Variants in ZW10 observed in about 807,000 individuals in gnomAD.
The protein encoded by ZW10 is zw10 kinetochore protein, also known as centromere/kinetochore protein zw10 homolog.
ZW10 carries 53 observed loss-of-function variants against 87.8 expected under a neutral mutation model. The ratio of observed to expected loss-of-function variants is 0.60; its 90% CI spans 0.48 to 0.76. The LOEUF (loss-of-function observed/expected upper bound fraction) is 0.76, where lower values mean the gene tolerates loss of function less well. Among genes scored for constraint, ZW10 ranks in the 30% least tolerant of loss-of-function variants. ZW10 has a pLI of 0.00. For missense variants in ZW10, 837 were observed against 923.0 expected (o/e 0.91, Z 1.21); for synonymous variants, 312 against 329.2 (o/e 0.95, Z 0.57).
At chr11:113,760,687 C>G in intron 3 of ZW10, 97 bp from the exon 4 acceptor site, 3 of 1,146,378 alleles carry the variant, frequency 2.6e-6, no homozygotes, top group Admixed American at 2.7e-5. Flanking sequence ...CCCCCTCCCC[C>G]CTCTAAAAAA....
chr11:113,757,878 C>CA, intron 6 of ZW10, 25 bp from the exon 7 acceptor site: 1 of 1,558,074 alleles, frequency 6.4e-7, no homozygotes, highest in Non-Finnish European at 8.7e-7. Context: ...GAACATTCAT[C>CA]AAAAAATCAC....
At chr11:113,770,921 C>T (rs1953958793) in intron 1 of ZW10, among the ~76,000 whole-genome samples, 2 of 149,766 alleles carry the variant, frequency 1.3e-5, no homozygotes, top group Middle Eastern at 3.5e-3. Flanking sequence ...TGCACACAGG[C>T]TCATTAACGT....
chr11:113,751,940 C>G (rs1438674945), intron 7 of ZW10, among the ~76,000 whole-genome samples: 1 of 151,888 alleles, frequency 6.6e-6, no homozygotes, highest in Non-Finnish European at 1.5e-5. Flanking sequence ...TACCTGCATT[C>G]AGTTTTTTAT....
rs191592708 is a variant in ZW10, at chr11:113,738,258, T to G, written c.1884+6A>C. 919 of 1,598,180 alleles carry G rather than the reference T, an allele frequency of 5.8e-4. 2 individuals carry two copies. The Middle Eastern group carries it at 7.0e-3, about 12-fold the overall frequency. On this transcript the variant is annotated splice_donor_region_variant and intron_variant, in intron 13 of 15. Transcript: ENST00000200135. ...ACAAATTTCAGTGCTAGCAAGAGCC[T>G]CCTACCTGCCGGACTGCTTTACTTG...
intron 1 of ZW10, among the ~76,000 whole-genome samples, chr11:113,770,835 A>AG (rs1953957113): frequency 1.3e-5 from 2 of 151,616 alleles, no homozygotes; most frequent in African/African-American, 4.9e-5. Flanking sequence ...AAAGAAAAAA[A>AG]AAAAAAAAGA....
At chr11:113,738,069 G>A (rs1232591720) in intron 13 of ZW10, among the ~76,000 whole-genome samples, 195 bp downstream of exon 13, 1 of 152,050 alleles carries the variant, frequency 6.6e-6, no homozygotes, top group Non-Finnish European at 1.5e-5. Context: ...AGATAGTTTC[G>A]TGTTGTCTTG....
At chr11:113,742,641 T>C (rs903132748) in intron 10 of ZW10, among the ~76,000 whole-genome samples, 4 of 152,200 alleles carry the variant, frequency 2.6e-5, no homozygotes, top group Non-Finnish European at 2.9e-5. Flanking sequence ...GTGTTTTGTG[T>C]TCCCAAAAAA....
At chr11:113,763,600 C>T (rs1161051159) in intron 2 of ZW10, among the ~76,000 whole-genome samples, 1 of 152,236 alleles carries the variant, frequency 6.6e-6, no homozygotes, top group Non-Finnish European at 1.5e-5. Flanking sequence ...TTTTGATTTG[C>T]ATTTCTCTGA....
intron 12 of ZW10, 118 bp downstream of exon 12, chr11:113,739,095 T>A (rs1256344647): frequency 8.8e-7 from 1 of 1,141,862 alleles, no homozygotes; most frequent in African/African-American, 1.6e-5. Context: ...CCTCCCACTT[T>A]CTGATACAGC....
intron 3 of ZW10, 47 bp downstream of exon 3, chr11:113,760,770 G>T: frequency 6.6e-7 from 1 of 1,508,486 alleles, no homozygotes; most frequent in South Asian, 1.1e-5. Context: ...TGACTAATGA[G>T]ACCTTCCCAC....
At chr11:113,771,771 G>T (rs1250721725) in intron 1 of ZW10, 2 of 152,008 alleles carry the variant, frequency 1.3e-5, no homozygotes, top group East Asian at 3.9e-4. Context: ...AGGTTCAAAC[G>T]ATCCTCCTGC....
intron 7 of ZW10, among the ~76,000 whole-genome samples, chr11:113,750,834 G>T (rs944920928): frequency 3.9e-4 from 59 of 150,958 alleles, no homozygotes; most frequent in African/African-American, 1.4e-3. Context: ...TTTTAAATGG[G>T]GAGATGGCAA....
intron 2 of ZW10, among the ~76,000 whole-genome samples, chr11:113,767,636 A>G (rs1458048589): frequency 6.6e-6 from 1 of 152,084 alleles, no homozygotes; most frequent in African/African-American, 2.4e-5. Context: ...TCAAACTGCA[A>G]GCAGAATAGG....
At chr11:113,736,109 T>A (rs1215814570) in intron 15 of ZW10, among the ~76,000 whole-genome samples, 1 of 151,562 alleles carries the variant, frequency 6.6e-6, no homozygotes, top group Non-Finnish European at 1.5e-5. Flanking sequence ...ATAAATAAAA[T>A]AATAAAATAA....
intron 9 of ZW10, among the ~76,000 whole-genome samples, chr11:113,745,380 C>T (rs1204257808): frequency 6.6e-6 from 1 of 151,364 alleles, no homozygotes; most frequent in Non-Finnish European, 1.5e-5. Context: ...TTTGCACATA[C>T]TGGACTTCGA....
chr11:113,745,772 T>G (rs1015213904), intron 9 of ZW10, among the ~76,000 whole-genome samples: 2 of 152,108 alleles, frequency 1.3e-5, no homozygotes, highest in African/African-American at 4.8e-5. Context: ...CAACTATAGA[T>G]CTTTTGGGAA....
chr11:113,743,844 G>A lies in ZW10; in HGVS notation c.1469C>T (p.Ala490Val). ...SESVKKLMEL[A>V]YQTLLEATTS... is the part of the protein sequence containing the mutation. ...TGTTGCCTCTAGTAAAGTCTGATAGGCGAGTTCCATTAATTTCTTCACAGA... is the reference window on the plus strand; with the variant it reads ...TGTTGCCTCTAGTAAAGTCTGATAGACGAGTTCCATTAATTTCTTCACAGA... Residue 490 changes from alanine (A) to valine (V), a missense_variant, in exon 10 of 16, where the codon GCC (alanine) becomes GTC (valine). By Grantham distance (64) the Ala-to-Val change is moderately conservative (BLOSUM62 0). Coordinates refer to ENST00000200135, the MANE Select transcript of ZW10 (RefSeq NM_004724.4). 6.2e-7 allele frequency: 1 copy of A among 1,614,140 alleles called. No homozygotes were observed. Among genetic ancestry groups the A allele is most frequent in the Non-Finnish European group, 8.5e-7 (1 of 1,180,026 alleles).
At position 113,760,224 on chromosome 11, in the gene ZW10, A is replaced by C. The variant is rs762009095; in HGVS notation, c.565T>G (p.Phe189Val). Residue 189 changes from phenylalanine (F) to valine (V), a missense_variant, in exon 5 of 16, where the codon TTC (phenylalanine) becomes GTC (valine). Physicochemically the swap from Phe to Val is conservative, Grantham distance 50. Transcript: ENST00000200135. ...TCAGCAGCACCTTTTGATGGTGGGA[A>C]CTTCCATACAATCAGCTTCTGCCAC... The part of the protein sequence containing the change: ...EEWQKLIVWK[F>V]PPSKDTSSLE... The C allele has an allele frequency of 3.7e-5, 59 of 1,613,892 alleles. No homozygotes were observed. Among genetic ancestry groups the C allele is most frequent in the Non-Finnish European group, 4.7e-5 (56 of 1,179,922 alleles).
At chr11:113,736,087 A>G (rs1430106538) in intron 15 of ZW10, among the ~76,000 whole-genome samples, 1 of 152,064 alleles carries the variant, frequency 6.6e-6, no homozygotes, top group Admixed American at 6.6e-5. Context: ...AACAAAACAA[A>G]ACAAATAAAT....
Sources: gnomAD v4.1 joint callset for allele counts (sites outside exome capture counted in the v4.1 genomes callset) on GRCh38, gnomAD v4.1.1 for gene constraint, MANE v1.5 for transcripts, NCBI Gene and HGNC (gene_info 2026-07-23, HGNC 2026-07-21) for gene names.